MCF2L: variants seen among roughly 807,000 people sequenced by gnomAD.
MCF2L encodes guanine nucleotide exchange factor DBS.
In MCF2L, 97 loss-of-function variants were observed where a neutral mutation model predicts 153.4. The ratio of observed to expected loss-of-function variants is 0.63; its 90% CI spans 0.54 to 0.75. MCF2L has a LOEUF of 0.75. MCF2L is among the 30% of genes least tolerant of loss of function. The pLI, the probability that MCF2L is intolerant of heterozygous loss-of-function variation, is 0.00. For synonymous variants in MCF2L, 659 were observed against 632.2 expected (o/e 1.04, Z -0.64); for missense variants, 1,347 against 1,495.2 (o/e 0.90, Z 1.64).
chr13:113,002,447 C>G (rs2083438471), intron 1 of MCF2L, among the ~76,000 whole-genome samples: 1 of 152,260 alleles, frequency 6.6e-6, no homozygotes, highest in Non-Finnish European at 1.5e-5. Context: ...ACTGCTGTCC[C>G]CACAATGGGG....
chr13:113,099,352 G>A lies in MCF2L; in HGVS notation c.*2493G>A, dbSNP rs993646368. 1 of 152,194 alleles carries A rather than the reference G, an allele frequency of 6.6e-6. No individual in the cohort carries two copies. Among genetic ancestry groups the A allele is most frequent in the African/African-American group, 2.4e-5 (1 of 41,444 alleles). The allele number at this position is 152,194 out of a possible 1,614,324, so 9.4% of individuals were successfully genotyped here. On this transcript the variant is annotated 3_prime_UTR_variant, in exon 30 of 30. Coordinates refer to ENST00000535094, the MANE Select transcript of MCF2L (RefSeq NM_001112732.3). ...AAACAAAATATTTGCAAAACAATGG[G>A]AAGATCATTGAAACACTGTTTGGCA... is the stretch of plus-strand genomic sequence containing the variant.
Position 113,054,164 on chromosome 13 carries a change from G to A in MCF2L, c.370-6429G>A, listed in dbSNP as rs369442386. ...AGTAGTCCCCACCCAAATGTCATTCGAGTCCAATCTCAGGATCCTGGATGC... is the reference window on the plus strand; with the variant it reads ...AGTAGTCCCCACCCAAATGTCATTCAAGTCCAATCTCAGGATCCTGGATGC... On this transcript the variant is annotated intron_variant, in intron 4 of 29. Transcript: ENST00000535094. This position sits in a 1 kb window ranked among gnomAD's most constrained non-coding sequence, Gnocchi z 5.2. 324 of 167,210 alleles carry A rather than the reference G, an allele frequency of 1.9e-3. No homozygotes were observed. Among genetic ancestry groups the A allele is most frequent in the African/African-American group, 7.2e-3 (300 of 41,516 alleles). 10.4% of individuals were successfully genotyped at this position (167,210 alleles called of 1,614,324 possible). A position where few individuals can be genotyped will look rare whatever the true frequency, so the allele number is the denominator to read the frequency against.
At chr13:112,979,750 C>T (rs781115526) in intron 1 of MCF2L, 3 of 1,611,340 alleles carry the variant, frequency 1.9e-6, no homozygotes, top group South Asian at 1.1e-5. Flanking sequence ...GCAGGGCGCT[C>T]GAGGCCAGGT....
At chr13:113,024,960 G>T (rs1416827313) in intron 3 of MCF2L, 1 of 523,954 alleles carries the variant, frequency 1.9e-6, no homozygotes, top group Admixed American at 3.1e-5. Context: ...GTGGGTCAGG[G>T]CAGAGTCTCT....
In MCF2L at chr13:113,087,627, G is replaced by T. The variant is rs988183693; in HGVS notation, c.2596-80G>T. The stretch of plus-strand genomic sequence containing the variant: ...ACCCCCAAAGTATTTCCATCATTTC[G>T]TGCCTGCACCAACACCTTTTAAAAA... On this transcript the variant is annotated intron_variant, in intron 22 of 29. Coordinates refer to ENST00000535094, the MANE Select transcript of MCF2L (RefSeq NM_001112732.3). The T allele has an allele frequency of 3.1e-6, 4 of 1,280,614 alleles. No individual in the cohort carries two copies. The Admixed American group carries it at 7.3e-5, about 23-fold the overall frequency. The allele number at this position is 1,280,614 out of a possible 1,614,324, so 79.3% of individuals were successfully genotyped here.
intron 7 of MCF2L, 94 bp from the exon 8 acceptor site, chr13:113,065,952 G>C: frequency 7.4e-7 from 1 of 1,355,860 alleles, no homozygotes; most frequent in South Asian, 1.4e-5. Context: ...CTCAGTCCCC[G>C]CCCCCTCAAG....
chr13:113,013,591 G>A (rs1238023422), intron 1 of MCF2L, among the ~76,000 whole-genome samples: 1 of 152,216 alleles, frequency 6.6e-6, no homozygotes, highest in Admixed American at 6.5e-5. Context: ...GCCTCCGCTG[G>A]GAATTTCCAG....
chr13:112,914,377 A>C (rs1400142736), intron 2 of MCF2L, among the ~76,000 whole-genome samples: 1 of 152,176 alleles, frequency 6.6e-6, no homozygotes, highest in Non-Finnish European at 1.5e-5. Flanking sequence ...ATTCTCTTGC[A>C]CAGTGGGCAG....
intron 1 of MCF2L, among the ~76,000 whole-genome samples, chr13:112,990,218 A>C (rs1009608167): frequency 6.6e-6 from 1 of 152,146 alleles, no homozygotes; most frequent in African/African-American, 2.4e-5. Context: ...AGGAACTACC[A>C]CACCCTTCGT....
intron 2 of MCF2L, among the ~76,000 whole-genome samples, chr13:113,016,353 G>A (rs1430862383): frequency 8.5e-5 from 13 of 152,246 alleles, no homozygotes; most frequent in Admixed American, 2.0e-4. Flanking sequence ...GACAAGAGCC[G>A]CCCCACGGGC....
intron 2 of MCF2L, among the ~76,000 whole-genome samples, chr13:112,948,994 G>A (rs1243005241): frequency 2.0e-4 from 31 of 152,204 alleles, no homozygotes; most frequent in Admixed American, 2.0e-3. Context: ...CCTGGGAAGC[G>A]GAGGTTGCAG....
chr13:113,087,151 G>T, intron 21 of MCF2L, 84 bp from the exon 22 acceptor site: 1 of 1,223,670 alleles, frequency 8.2e-7, no homozygotes, highest in South Asian at 1.4e-5. Flanking sequence ...GGGCTTTGCA[G>T]AGTGGCTGCT....
At chr13:113,078,779 A>T in intron 15 of MCF2L, 40 bp downstream of exon 15, 1 of 1,545,540 alleles carries the variant, frequency 6.5e-7, no homozygotes, top group Non-Finnish European at 8.7e-7. Context: ...GGGCCCTCCG[A>T]CCGCAGCCTG....
intron 1 of MCF2L, among the ~76,000 whole-genome samples, chr13:113,000,504 G>A (rs947136759): frequency 2.6e-5 from 4 of 152,178 alleles, no homozygotes; most frequent in Non-Finnish European, 4.4e-5. Flanking sequence ...GGCCCAGGAG[G>A]AAGAGTGAGC....
At chr13:113,051,246 G>A (rs2087296671) in intron 4 of MCF2L, among the ~76,000 whole-genome samples, 1 of 152,208 alleles carries the variant, frequency 6.6e-6, no homozygotes, top group Admixed American at 6.5e-5. Flanking sequence ...GCTGGGCTTC[G>A]GGGCGACGAG....
chr13:113,075,340 T>A, intron 11 of MCF2L, 151 bp downstream of exon 11: 2 of 614,434 alleles, frequency 3.3e-6, no homozygotes, highest in Non-Finnish European at 5.2e-6. Context: ...CTTGTTGGCC[T>A]AGAGGGTCTT....
chr13:113,078,551 C>G (rs1197404991), intron 14 of MCF2L, 115 bp downstream of exon 14: 26 of 1,386,752 alleles, frequency 1.9e-5, no homozygotes, highest in African/African-American at 2.8e-5. Flanking sequence ...TGGCCAGCTC[C>G]CCATCGTGGG....
At chr13:112,988,778 G>T in intron 1 of MCF2L, among the ~76,000 whole-genome samples, 1 of 119,722 alleles carries the variant, frequency 8.4e-6, no homozygotes, top group African/African-American at 3.2e-5. Context: ...TACCATGCCC[G>T]AGTCCTCCCT....
chr13:113,061,634 C>T (rs574427611), intron 5 of MCF2L, among the ~76,000 whole-genome samples: 6 of 150,234 alleles, frequency 4.0e-5, no homozygotes, highest in Admixed American at 2.6e-4. Context: ...AAGAGCCCTT[C>T]TCTGACAGGG....
Sources: allele counts gnomAD v4.1 joint callset (sites outside exome capture counted in the v4.1 genomes callset), GRCh38; gene constraint gnomAD v4.1.1; non-coding constraint Gnocchi (gnomAD v3.1); transcripts MANE v1.5; gene names NCBI Gene and HGNC (gene_info 2026-07-23, HGNC 2026-07-21).